The following SMARCB1 variants were observed in gnomAD, a reference collection of about 807,000 sequenced individuals.
SMARCB1 encodes SWI/SNF related BAF chromatin remodeling complex subunit B1, also known as SWI/SNF-related matrix-associated actin-dependent regulator of chromatin subfamily B member 1.
Under a neutral mutation model 49.0 loss-of-function variants are expected in SMARCB1, and 5 were observed. The ratio of observed to expected loss-of-function variants is 0.10; its 90% CI spans 0.05 to 0.21. SMARCB1 has a LOEUF of 0.21. Among genes scored for constraint, SMARCB1 ranks in the 10% least tolerant of loss-of-function variants. The pLI is 1.00. For synonymous variants in SMARCB1, 201 were observed against 200.1 expected (o/e 1.00, Z -0.04); for missense variants, 226 against 509.2 (o/e 0.44, Z 5.35).
rs574889935 is a variant in SMARCB1, at chr22:23,796,013, G to A, written c.362+2325G>A. 4.3e-4 allele frequency among the ~76,000 whole-genome samples: 66 copies of A among 151,948 alleles called. 1 individual carries two copies. The highest frequency in any genetic ancestry group is 4.1e-3 in the Admixed American group (62 of 15,248). ...TCACCATTGTGCCCAGGCTGGTCTC[G>A]AACTCCTGACCTCAGGTAATCCTCC... On this transcript the variant is annotated intron_variant, in intron 3 of 8. Coordinates refer to ENST00000644036, the MANE Select transcript of SMARCB1 (RefSeq NM_003073.5).
chr22:23,801,291 C>A (rs1382909498), intron 4 of SMARCB1: 1 of 765,988 alleles, frequency 1.3e-6, no homozygotes, highest in Non-Finnish European at 2.3e-6. Context: ...GTCACCTTGC[C>A]ATGTCCTCCT....
In SMARCB1 at chr22:23,834,530, A is replaced by G; in HGVS notation, c.*350A>G. 5.7e-6 allele frequency: 4 copies of G among 698,564 alleles called. No homozygotes were observed. Among genetic ancestry groups the G allele is most frequent in the South Asian group, 3.0e-5 (2 of 66,646 alleles). The allele number at this position is 698,564 out of a possible 1,614,324, so 43.3% of individuals were successfully genotyped here. A position where few individuals can be genotyped will look rare whatever the true frequency, so the allele number is the denominator to read the frequency against. ...CAATTTCTTCAACAGGTCATGTTCA[A>G]TTTCTTCAAAGTTTTAACATAAAAA... On this transcript the variant is annotated 3_prime_UTR_variant, in exon 9 of 9. Coordinates refer to ENST00000644036, the MANE Select transcript of SMARCB1 (RefSeq NM_003073.5).
intron 4 of SMARCB1, chr22:23,802,980 G>T (rs139193336): frequency 3.7e-5 from 17 of 457,626 alleles, no homozygotes; most frequent in Non-Finnish European, 6.5e-5. Context: ...CTTTCCCATA[G>T]CCTTCCATGA....
At chr22:23,817,064 A>G (rs1019677098) in intron 6 of SMARCB1, 128 bp downstream of exon 6, 5 of 752,956 alleles carry the variant, frequency 6.6e-6, no homozygotes, top group Admixed American at 4.1e-5. Context: ...CTGGAAAGTC[A>G]TAACACCTGG....
intron 7 of SMARCB1, among the ~76,000 whole-genome samples, chr22:23,831,820 A>C (rs5760058): frequency 6.6e-6 from 1 of 152,116 alleles, no homozygotes; most frequent in East Asian, 1.9e-4. Flanking sequence ...GTCTGAGGCT[A>C]GGGTGGTCCC....
intron 7 of SMARCB1, among the ~76,000 whole-genome samples, chr22:23,827,047 A>G (rs1197016919): frequency 6.6e-6 from 1 of 152,168 alleles, no homozygotes; most frequent in Non-Finnish European, 1.5e-5. Flanking sequence ...ATGGCCGGAG[A>G]GCCAGTCAAG....
chr22:23,815,256 CA>C (rs1445360731), intron 5 of SMARCB1: 1 of 152,070 alleles, frequency 6.6e-6, no homozygotes, highest in African/African-American at 2.4e-5. Context: ...AACATGCGGC[CA>C]GGCGTGGTGG....
intron 5 of SMARCB1, among the ~76,000 whole-genome samples, chr22:23,813,532 A>G (rs577950282): frequency 1.3e-5 from 2 of 152,356 alleles, no homozygotes; most frequent in South Asian, 2.1e-4. Flanking sequence ...ATTACCATTT[A>G]TCATCACTCA....
intron 5 of SMARCB1, chr22:23,803,676 C>T (rs543471127): frequency 2.4e-5 from 14 of 579,494 alleles, no homozygotes; most frequent in South Asian, 1.3e-4. Flanking sequence ...GCATGGGAGG[C>T]GGCTGATCTG....
intron 7 of SMARCB1, among the ~76,000 whole-genome samples, chr22:23,828,987 G>A (rs1315029237): frequency 6.6e-6 from 1 of 152,220 alleles, no homozygotes; most frequent in Non-Finnish European, 1.5e-5. Flanking sequence ...CTAGAGGACA[G>A]ACTGGGACCA....
At chr22:23,800,023 T>C (rs1929043461) in intron 3 of SMARCB1, among the ~76,000 whole-genome samples, 1 of 151,712 alleles carries the variant, frequency 6.6e-6, no homozygotes, top group Non-Finnish European at 1.5e-5. Flanking sequence ...GAGACAGGGT[T>C]TCACCATGTT....
At chr22:23,787,290 C>T in intron 1 of SMARCB1, 28 bp downstream of exon 1, 2 of 1,398,168 alleles carry the variant, frequency 1.4e-6, no homozygotes, top group African/African-American at 1.5e-5. Flanking sequence ...CTCGCCCTCC[C>T]CGGGCTCGGC....
At chr22:23,795,268 C>T (rs1027231937) in intron 3 of SMARCB1, among the ~76,000 whole-genome samples, 4 of 152,066 alleles carry the variant, frequency 2.6e-5, no homozygotes, top group African/African-American at 9.7e-5. Flanking sequence ...GAGACGTTAT[C>T]TCTACTGAAA....
chr22:23,813,487 C>A (rs1378546420), intron 5 of SMARCB1, among the ~76,000 whole-genome samples: 1 of 152,100 alleles, frequency 6.6e-6, no homozygotes, highest in African/African-American at 2.4e-5. Flanking sequence ...TTTCTATATG[C>A]CATTAATGAG....
rs1413259475 is a variant in SMARCB1, at chr22:23,836,357, C to T, written c.*2177C>T. The T allele has an allele frequency of 2.0e-6, 2 of 985,630 alleles. No homozygotes were observed. The highest frequency in any genetic ancestry group is 2.4e-6 in the Non-Finnish European group (2 of 830,066). The allele number at this position is 985,630 out of a possible 1,614,324, so 61.1% of individuals were successfully genotyped here. On this transcript the variant is annotated 3_prime_UTR_variant, in exon 9 of 9. Transcript: ENST00000644036. ...CTAGATTGGCATCAGCCTGAAGGCA[C>T]CACTGGCAGGAACATCTGTAGGCTG...
At chr22:23,787,601 G>A (rs1358569313) in intron 1 of SMARCB1, among the ~76,000 whole-genome samples, 2 of 152,184 alleles carry the variant, frequency 1.3e-5, no homozygotes, top group Non-Finnish European at 2.9e-5. Flanking sequence ...TTGGGGGACT[G>A]CACTGCTGCC....
chr22:23,834,854 CGTCCCTGGGCCGCCCTGGCTCTGCT>C lies in SMARCB1; in HGVS notation c.*677_*701del, dbSNP rs761703690. On this transcript the variant is annotated 3_prime_UTR_variant, in exon 9 of 9. Transcript: ENST00000644036. ...AGGAAGGTGCCGCGAGCTCTCCTGCCGTCCCTGGGCCGCCCTGGCTCTGCTGTGTCCAGATGGTCAGGCTACTGCC... is the reference window on the plus strand; with the variant it reads ...AGGAAGGTGCCGCGAGCTCTCCTGCCGTGTCCAGATGGTCAGGCTACTGCC... 2 of 1,612,552 alleles carry C rather than the reference CGTCCCTGGGCCGCCCTGGCTCTGCT, an allele frequency of 1.2e-6. No homozygotes were observed. Among genetic ancestry groups the C allele is most frequent in the Non-Finnish European group, 1.7e-6 (2 of 1,179,736 alleles).
chr22:23,790,941 C>A (rs754501385), intron 1 of SMARCB1, among the ~76,000 whole-genome samples: 3 of 152,104 alleles, frequency 2.0e-5, no homozygotes, highest in Non-Finnish European at 4.4e-5. Flanking sequence ...AGTGGTCCTT[C>A]ATGGGGGTGA....
At position 23,825,231 on chromosome 22, in the gene SMARCB1, A is replaced by G; in HGVS notation, c.802A>G (p.Ile268Val). The G allele has an allele frequency of 6.2e-7, 1 of 1,614,010 alleles. No homozygotes were observed. Among genetic ancestry groups the G allele is most frequent in the East Asian group, 2.2e-5 (1 of 44,868 alleles). Residue 268 changes from isoleucine to valine, a missense_variant, in exon 7 of 9, where the codon ATC becomes GTC. Transcript: ENST00000644036. Reference sequence around the variant, plus strand: ...CCTTTGGTTGTTGCCTCAGCTGAACATCCATGTGGGAAACATTTCCCTGGT... The same window carrying G: ...CCTTTGGTTGTTGCCTCAGCTGAACGTCCATGTGGGAAACATTTCCCTGGT... ...SDQRVIIKLN[I>V]HVGNISLVDQ...
Sources: gnomAD v4.1 joint callset for allele counts (sites outside exome capture counted in the v4.1 genomes callset) on GRCh38, gnomAD v4.1.1 for gene constraint, MANE v1.5 for transcripts, NCBI Gene and HGNC (gene_info 2026-07-23, HGNC 2026-07-21) for gene names.